The following PRELID2 variants were observed in gnomAD, a reference collection of about 807,000 sequenced individuals.
PRELID2 encodes PRELI domain containing 2.
Under a neutral mutation model 28.4 loss-of-function variants are expected in PRELID2, and 25 were observed. The ratio of observed to expected loss-of-function variants is 0.88; its 90% CI spans 0.64 to 1.23. The LOEUF is 1.23. Ranked by LOEUF, PRELID2 falls within the 50% of genes most tolerant of loss-of-function variation. The pLI is 0.00. For missense variants in PRELID2, 201 were observed against 214.4 expected (o/e 0.94, Z 0.39); for synonymous variants, 76 against 71.6 (o/e 1.06, Z -0.31).
At chr5:145,362,663 G>GA in the PRELID2 span, among the ~76,000 whole-genome samples, 2 of 152,054 alleles carry the variant, frequency 1.3e-5, no homozygotes, top group African/African-American at 4.8e-5. Context: ...GACCAAGGGA[G>GA]AAAAAATAGT....
chr5:145,578,165 G>A (rs538948227), intron 1 of PRELID2, among the ~76,000 whole-genome samples: 9 of 152,036 alleles, frequency 5.9e-5, no homozygotes, highest in Non-Finnish European at 1.0e-4. Context: ...ACAAAATCCC[G>A]AGGAAGATAT....
chr5:145,492,369 G>A (rs760519834), intron 1 of PRELID2, among the ~76,000 whole-genome samples: 11 of 95,580 alleles, frequency 1.2e-4, no homozygotes, highest in Non-Finnish European at 2.1e-4. Flanking sequence ...ATTTTTAATC[G>A]AGTCATTTTG....
the PRELID2 span, among the ~76,000 whole-genome samples, chr5:145,285,422 C>G: frequency 1.6e-4 from 24 of 152,198 alleles, no homozygotes; most frequent in African/African-American, 5.8e-4. Flanking sequence ...CCTTGAATCT[C>G]CTCAAACAGC....
chr5:145,428,616 T>C, the PRELID2 span, among the ~76,000 whole-genome samples: 2 of 152,116 alleles, frequency 1.3e-5, no homozygotes, highest in Non-Finnish European at 2.9e-5. Flanking sequence ...CACACCAACA[T>C]GGCACATGTA....
chr5:145,293,095 C>T, the PRELID2 span, among the ~76,000 whole-genome samples: 5 of 152,116 alleles, frequency 3.3e-5, no homozygotes, highest in Non-Finnish European at 5.9e-5. Context: ...TTCCCATTGA[C>T]TATAACTGAG....
chr5:145,766,886 C>T (rs1393865985), intron 5 of PRELID2, among the ~76,000 whole-genome samples: 2 of 152,114 alleles, frequency 1.3e-5, no homozygotes, highest in African/African-American at 4.8e-5. Context: ...AAAACAGACT[C>T]CCAAGAGTCT....
intron 1 of PRELID2, among the ~76,000 whole-genome samples, chr5:145,833,857 G>A (rs527466659): frequency 1.3e-5 from 2 of 152,298 alleles, no homozygotes; most frequent in African/African-American, 4.8e-5. Flanking sequence ...AAACCGAAGG[G>A]GACCTTCAAA....
At chr5:145,391,859 C>G in the PRELID2 span, among the ~76,000 whole-genome samples, 1 of 152,124 alleles carries the variant, frequency 6.6e-6, no homozygotes, top group Non-Finnish European at 1.5e-5. Context: ...CCACCAGTCT[C>G]TTTGCTAAAA....
intron 1 of PRELID2, among the ~76,000 whole-genome samples, chr5:145,512,814 C>T (rs1752472910): frequency 6.6e-6 from 1 of 152,186 alleles, no homozygotes; most frequent in Admixed American, 6.5e-5. Flanking sequence ...TGCTGTTCTG[C>T]AGCCTCTGCT....
the PRELID2 span, among the ~76,000 whole-genome samples, chr5:145,282,356 TG>T: frequency 7.6e-4 from 115 of 152,232 alleles, 1 homozygote; most frequent in African/African-American, 2.6e-3. Context: ...TACTAAAAGG[TG>T]AATGTCTTGA....
the PRELID2 span, among the ~76,000 whole-genome samples, chr5:145,272,764 A>T: frequency 5.3e-5 from 8 of 152,154 alleles, no homozygotes; most frequent in African/African-American, 1.9e-4. Context: ...TTGATAGATG[A>T]TATCAATTTT....
intron 1 of PRELID2, among the ~76,000 whole-genome samples, chr5:145,641,165 A>C (rs138871493): frequency 1.3e-3 from 203 of 152,302 alleles, no homozygotes; most frequent in African/African-American, 4.7e-3. Context: ...GACTATTTAA[A>C]ACCTAACAGT....
intron 1 of PRELID2, among the ~76,000 whole-genome samples, chr5:145,663,406 G>GT (rs1371041902): frequency 6.6e-6 from 1 of 152,086 alleles, no homozygotes; most frequent in Non-Finnish European, 1.5e-5. Flanking sequence ...AAGAGAAACA[G>GT]TAACTTCATA....
chr5:145,615,670 T>C (rs1192835819), intron 1 of PRELID2, among the ~76,000 whole-genome samples: 1 of 152,210 alleles, frequency 6.6e-6, no homozygotes, highest in Non-Finnish European at 1.5e-5. Flanking sequence ...TGAATTCTTA[T>C]CCATTCTGCA....
chr5:145,745,249 A>C (rs562617814), intron 1 of PRELID2, among the ~76,000 whole-genome samples: 36 of 152,332 alleles, frequency 2.4e-4, no homozygotes, highest in Middle Eastern at 6.8e-3. Context: ...GAGTATCTGA[A>C]GGAGATGCGG....
At chr5:145,742,259 T>C (rs902018881) in intron 1 of PRELID2, among the ~76,000 whole-genome samples, 3 of 141,264 alleles carry the variant, frequency 2.1e-5, no homozygotes, top group Admixed American at 7.3e-5. Flanking sequence ...AAATAAAATA[T>C]ATATTTTTAA....
the PRELID2 span, among the ~76,000 whole-genome samples, chr5:145,323,586 T>G: frequency 6.6e-6 from 1 of 152,052 alleles, no homozygotes; most frequent in Admixed American, 6.6e-5. Flanking sequence ...GCATAGTAAA[T>G]GGGTAGTTTT....
the PRELID2 span, among the ~76,000 whole-genome samples, chr5:145,466,268 C>A: frequency 1.3e-5 from 2 of 151,974 alleles, no homozygotes; most frequent in Non-Finnish European, 2.9e-5. Context: ...ATAAGCATAC[C>A]AATTTGGCAA....
intron 1 of PRELID2, among the ~76,000 whole-genome samples, chr5:145,712,017 G>C (rs1169481416): frequency 6.6e-6 from 1 of 152,182 alleles, no homozygotes; most frequent in African/African-American, 2.4e-5. Flanking sequence ...CCCTACTGAA[G>C]GGAGACTCCT....
Sources: allele counts gnomAD v4.1 joint callset (sites outside exome capture counted in the v4.1 genomes callset), GRCh38; gene constraint gnomAD v4.1.1; transcripts MANE v1.5; gene names NCBI Gene and HGNC (gene_info 2026-07-23, HGNC 2026-07-21).